Variants in EIF2B3 observed in about 807,000 individuals in gnomAD.
EIF2B3 encodes eukaryotic translation initiation factor 2B subunit gamma.
EIF2B3 carries 20 observed loss-of-function variants against 54.1 expected under a neutral mutation model. That is an observed-to-expected ratio of 0.37 (90% confidence interval 0.26 to 0.54). EIF2B3 has a LOEUF of 0.54. Among genes scored for constraint, EIF2B3 ranks in the 20% least tolerant of loss-of-function variants. The probability of loss-of-function intolerance (pLI) is 0.86; values close to 1 mark genes in which losing one functional copy is unlikely to be tolerated. For synonymous variants in EIF2B3, 153 were observed against 188.1 expected, an observed-to-expected ratio of 0.81 and a Z score of 1.52; for missense variants, 448 against 547.8, an observed-to-expected ratio of 0.82 and a Z score of 1.82.
At chr1:44,899,462 A>C (rs1656100080) in intron 5 of EIF2B3, among the ~76,000 whole-genome samples, 1 of 152,238 alleles carries the variant, frequency 6.6e-6, no homozygotes, top group African/African-American at 2.4e-5. Flanking sequence ...AAGCATCTAT[A>C]AAGAACTTAA....
chr1:44,903,129 C>G lies in EIF2B3; in HGVS notation c.567-5685G>C, dbSNP rs76755419. 5.0e-3 allele frequency among the ~76,000 whole-genome samples: 757 copies of G among 152,062 alleles called. 51 individuals are homozygous for G. The East Asian group carries it at 0.13, about 27-fold the overall frequency. Reference sequence around the variant, plus strand: ...GCTTTAATTTAAAGAAAGCTGAACACAAAGATATATGTACCATGAACACTG... The same window carrying G: ...GCTTTAATTTAAAGAAAGCTGAACAGAAAGATATATGTACCATGAACACTG... On this transcript the variant is annotated intron_variant, in intron 5 of 11. Coordinates refer to ENST00000360403, the MANE Select transcript of EIF2B3 (RefSeq NM_020365.5).
intron 3 of EIF2B3, among the ~76,000 whole-genome samples, chr1:44,966,899 G>A (rs1025661312): frequency 6.6e-6 from 1 of 151,940 alleles, no homozygotes; most frequent in African/African-American, 2.4e-5. Context: ...TCAGCTCACC[G>A]CAACCTCCGT....
In EIF2B3 at chr1:44,957,706, A is replaced by C. The variant is rs957242117; in HGVS notation, c.295-16041T>G. ...AACCTGAGAGGTGAAGGCTGCAGTG[A>C]GCTGAGATTGCGCCATTGCATTCCA... On this transcript the variant is annotated intron_variant, in intron 3 of 11. Transcript: ENST00000360403. Among the ~76,000 whole-genome samples the C allele has an allele frequency of 2.0e-5, 3 of 152,258 alleles. No homozygotes were observed. The East Asian group carries it at 5.8e-4, about 29-fold the overall frequency.
rs764338643 is a variant in EIF2B3, at chr1:44,897,403, T to C, written c.608A>G (p.His203Arg). The change falls in exon 6 of 12, where the codon CAC becomes CGC. Residue 203 changes from histidine (H) to arginine (R), a missense_variant. His to Arg is a conservative substitution (Grantham distance 29). Coordinates refer to ENST00000360403, the MANE Select transcript of EIF2B3 (RefSeq NM_020365.5). ...IRFHTGLVDA[H>R]LYCLKKYIVD... The stretch of plus-strand genomic sequence containing the variant: ...GATGTATTTTTTCAAACAGTAGAGG[T>C]GGGCATCCACAAGACCCGTGTGGAA... 1.2e-6 allele frequency: 2 copies of C among 1,613,644 alleles called. No individual in the cohort carries two copies. The highest frequency in any genetic ancestry group is 1.7e-5 in the Admixed American group (1 of 59,982).
chr1:44,965,120 A>C (rs1644324038), intron 3 of EIF2B3, among the ~76,000 whole-genome samples: 1 of 152,152 alleles, frequency 6.6e-6, no homozygotes, highest in Non-Finnish European at 1.5e-5. Context: ...ATAGGACAAA[A>C]ATTTCTCCTA....
chr1:44,877,215 A>C (rs1230867761), intron 8 of EIF2B3, among the ~76,000 whole-genome samples: 38 of 148,558 alleles, frequency 2.6e-4, no homozygotes, highest in South Asian at 1.1e-3. Flanking sequence ...AAAAAAAAAA[A>C]AAAAAAACAC....
chr1:44,970,751 A>T (rs1644391594), intron 3 of EIF2B3, among the ~76,000 whole-genome samples: 2 of 152,154 alleles, frequency 1.3e-5, no homozygotes, highest in Non-Finnish European at 2.9e-5. Context: ...TTAATTCTGA[A>T]TTTTGGCTTA....
chr1:44,963,649 T>C lies in EIF2B3; in HGVS notation c.294+14666A>G, dbSNP rs756219434. On this transcript the variant is annotated intron_variant, in intron 3 of 11. Transcript: ENST00000360403. ...TACAGGCTACTTCAAATGAACTCTC[T>C]GGTCATGGTGACAGAATGCTTACTG... is the stretch of plus-strand genomic sequence containing the variant. Among the ~76,000 whole-genome samples, 10 of 152,298 alleles carry C rather than the reference T, an allele frequency of 6.6e-5. No homozygotes were observed. The East Asian group carries it at 1.7e-3, about 26-fold the overall frequency.
At chr1:44,977,960 C>A (rs1644469602) in intron 3 of EIF2B3, among the ~76,000 whole-genome samples, 1 of 151,882 alleles carries the variant, frequency 6.6e-6, no homozygotes, top group African/African-American at 2.4e-5. Flanking sequence ...GCACTGGGGG[C>A]CAGGCGTGAT....
chr1:44,893,967 G>T (rs1655885254), intron 6 of EIF2B3, among the ~76,000 whole-genome samples: 1 of 152,150 alleles, frequency 6.6e-6, no homozygotes. Context: ...TGGCATATTG[G>T]CATATTGCTT....
intron 3 of EIF2B3, among the ~76,000 whole-genome samples, chr1:44,970,791 T>C (rs1255784121): frequency 2.0e-5 from 3 of 152,218 alleles, no homozygotes; most frequent in Admixed American, 2.0e-4. Context: ...TTTGGGCATT[T>C]ATTTACGTTC....
At chr1:44,980,199 T>C (rs979824363) in intron 2 of EIF2B3, among the ~76,000 whole-genome samples, 1 of 152,100 alleles carries the variant, frequency 6.6e-6, no homozygotes, top group Admixed American at 6.5e-5. Context: ...GCACGGTGGC[T>C]CATGCCTGTA....
intron 1 of EIF2B3, 131 bp from the exon 2 acceptor site, chr1:44,981,308 C>T (rs1644510467): frequency 1.1e-6 from 1 of 920,834 alleles, no homozygotes; most frequent in Non-Finnish European, 1.7e-6. Flanking sequence ...CTAACTCTAG[C>T]AATCACAGTA....
intron 1 of EIF2B3, among the ~76,000 whole-genome samples, chr1:44,983,810 G>A (rs901514191): frequency 6.6e-6 from 1 of 151,906 alleles, no homozygotes; most frequent in Non-Finnish European, 1.5e-5. Context: ...AGGTTCAAGC[G>A]ATTCTCCTGC....
At chr1:44,971,701 T>C (rs1371421711) in intron 3 of EIF2B3, among the ~76,000 whole-genome samples, 3 of 152,118 alleles carry the variant, frequency 2.0e-5, no homozygotes, top group African/African-American at 7.2e-5. Context: ...AAAACTACAG[T>C]AAGATACTAA....
At chr1:44,906,697 G>C (rs923784255) in intron 5 of EIF2B3, among the ~76,000 whole-genome samples, 2 of 152,146 alleles carry the variant, frequency 1.3e-5, no homozygotes, top group African/African-American at 4.8e-5. Context: ...ACCGTGCCCG[G>C]GATAAAAGAT....
chr1:44,852,253 C>T (rs991807308), intron 11 of EIF2B3, among the ~76,000 whole-genome samples: 7 of 151,892 alleles, frequency 4.6e-5, no homozygotes, highest in Admixed American at 1.3e-4. Flanking sequence ...CGTGAGCCAC[C>T]GCACTTGGCC....
chr1:44,904,028 G>C (rs1377555522), intron 5 of EIF2B3, among the ~76,000 whole-genome samples: 1 of 152,156 alleles, frequency 6.6e-6, no homozygotes, highest in African/African-American at 2.4e-5. Flanking sequence ...AATGAGCTGA[G>C]ATCATGCCAC....
At chr1:44,918,072 CTTTTTT>C (rs3074632) in intron 5 of EIF2B3, among the ~76,000 whole-genome samples, 10 of 88,618 alleles carry the variant, frequency 1.1e-4, no homozygotes, top group Admixed American at 6.9e-4. Context: ...TGTGCCCAGC[CTTTTTT>C]TTTTTTTTTT....
Sources: allele counts gnomAD v4.1 joint callset (sites outside exome capture counted in the v4.1 genomes callset), GRCh38; gene constraint gnomAD v4.1.1; transcripts MANE v1.5; gene names NCBI Gene and HGNC (gene_info 2026-07-23, HGNC 2026-07-21).